The following TEX14 variants were observed in gnomAD, a reference collection of about 807,000 sequenced individuals.
TEX14 encodes the protein inactive serine/threonine-protein kinase TEX14.
Under a neutral mutation model 178.6 loss-of-function variants are expected in TEX14, and 168 were observed. That is an observed-to-expected ratio of 0.94 (90% CI 0.83 to 1.07). TEX14 has a LOEUF of 1.07. TEX14 is among the 50% of genes least tolerant of loss of function. TEX14 has a pLI of 0.00. For synonymous variants in TEX14, 626 were observed against 634.1 expected (o/e 0.99, Z 0.19); for missense variants, 1,730 against 1,753.6 (o/e 0.99, Z 0.24).
chr17:58,601,584 C>G (rs1598375592), intron 13 of TEX14, among the ~76,000 whole-genome samples: 1 of 151,930 alleles, frequency 6.6e-6, no homozygotes, highest in African/African-American at 2.4e-5. Flanking sequence ...ATCCCAGCTA[C>G]TCAGGAGGCT....
chr17:58,669,733 CAAAA>C (rs71367615), intron 1 of TEX14, among the ~76,000 whole-genome samples: 6 of 56,298 alleles, frequency 1.1e-4, no homozygotes, highest in East Asian at 1.0e-3. Context: ...GACTCCGTCT[CAAAA>C]AAAAAAAAAA....
intron 20 of TEX14, among the ~76,000 whole-genome samples, chr17:58,579,394 A>AG (rs1450752531): frequency 6.6e-6 from 1 of 152,194 alleles, no homozygotes; most frequent in African/African-American, 2.4e-5. Context: ...GAGAGACCAA[A>AG]GGGGGAAAAA....
At chr17:58,581,679 CT>C in intron 19 of TEX14, 1 of 1,613,664 alleles carries the variant, frequency 6.2e-7, no homozygotes, top group Non-Finnish European at 8.5e-7. Flanking sequence ...AAAAATTCAT[CT>C]GTTATATCCT....
intron 28 of TEX14, among the ~76,000 whole-genome samples, chr17:58,562,551 C>T (rs1395343053): frequency 4.6e-5 from 7 of 152,000 alleles, no homozygotes; most frequent in Admixed American, 4.6e-4. Flanking sequence ...GTCGCCCAGG[C>T]TGGAGTGCAG....
chr17:58,660,195 A>G (rs2047079381), intron 1 of TEX14, among the ~76,000 whole-genome samples: 1 of 150,642 alleles, frequency 6.6e-6, no homozygotes, highest in Non-Finnish European at 1.5e-5. Flanking sequence ...ACCTGAGGTC[A>G]GGAGCTCAAG....
intron 1 of TEX14, chr17:58,660,626 C>T (rs1318826625): frequency 1.3e-6 from 1 of 791,198 alleles, no homozygotes; most frequent in East Asian, 2.4e-5. Flanking sequence ...GGTGTCCTTC[C>T]AGTCATCCCA....
Position 58,617,523 on chromosome 17 carries a change from G to C in TEX14, c.636+15C>G, listed in dbSNP as rs1396555681. On this transcript the variant is annotated intron_variant, in intron 6 of 31. Coordinates refer to ENST00000349033, the MANE Select transcript of TEX14 (RefSeq NM_031272.5). ...TTAGTCCTGCAAACACTGGCTGTCAGTGGCAACCTCTTACCTTCCCAAAAC... is the reference window on the plus strand; with the variant it reads ...TTAGTCCTGCAAACACTGGCTGTCACTGGCAACCTCTTACCTTCCCAAAAC... 5.6e-6 allele frequency: 9 copies of C among 1,607,188 alleles called. No individual in the cohort carries two copies. Among genetic ancestry groups the C allele is most frequent in the Non-Finnish European group, 7.7e-6 (9 of 1,174,840 alleles).
chr17:58,669,914 A>T lies in TEX14; in HGVS notation c.-1-17912T>A, dbSNP rs189292308. 4.6e-5 allele frequency among the ~76,000 whole-genome samples: 7 copies of T among 152,194 alleles called. No individual in the cohort carries two copies. In the East Asian group the frequency reaches 1.4e-3, roughly 29 times the overall value. On this transcript the variant is annotated intron_variant, in intron 1 of 31. Coordinates refer to ENST00000349033, the MANE Select transcript of TEX14 (RefSeq NM_031272.5). ...ATACTCCTTACTGCCCTCTGGATAA[A>T]GCACCAACTCCATCCCACGCTCCTT...
At chr17:58,691,777 T>C (rs1272486545) in intron 1 of TEX14, among the ~76,000 whole-genome samples, 162 bp downstream of exon 1, 1 of 151,970 alleles carries the variant, frequency 6.6e-6, no homozygotes, top group African/African-American at 2.4e-5. Flanking sequence ...TCTAAACTGC[T>C]TGCCTTCCTC....
At chr17:58,680,844 A>G (rs1161712203) in intron 1 of TEX14, among the ~76,000 whole-genome samples, 1 of 152,170 alleles carries the variant, frequency 6.6e-6, no homozygotes, top group East Asian at 1.9e-4. Flanking sequence ...CTAATATCCC[A>G]CATCTTTTAT....
chr17:58,683,375 C>A (rs532520738), intron 1 of TEX14, among the ~76,000 whole-genome samples: 4 of 148,576 alleles, frequency 2.7e-5, no homozygotes, highest in East Asian at 4.0e-4. Flanking sequence ...TCCATCCCCC[C>A]CCCCAAAAAA....
chr17:58,646,104 C>T (rs1467396996), intron 2 of TEX14, among the ~76,000 whole-genome samples: 1 of 151,976 alleles, frequency 6.6e-6, no homozygotes, highest in Non-Finnish European at 1.5e-5. Context: ...AAATGTGGAA[C>T]CCACAGATAA....
At chr17:58,587,331 A>G (rs2045002260) in intron 17 of TEX14, among the ~76,000 whole-genome samples, 5 of 152,150 alleles carry the variant, frequency 3.3e-5, no homozygotes, top group Admixed American at 3.3e-4. Flanking sequence ...TTTCTTATAC[A>G]ATATACATTT....
At chr17:58,654,240 A>G (rs981242415) in intron 1 of TEX14, among the ~76,000 whole-genome samples, 1 of 152,168 alleles carries the variant, frequency 6.6e-6, no homozygotes. Context: ...GCTGGAATGC[A>G]AAAACAAACC....
chr17:58,574,831 G>A (rs532591428), intron 21 of TEX14, among the ~76,000 whole-genome samples: 7 of 152,014 alleles, frequency 4.6e-5, no homozygotes, highest in South Asian at 2.1e-4. Context: ...GACTCTATAC[G>A]ACTGTGAGCA....
chr17:58,633,688 G>A (rs2046370415), intron 2 of TEX14, among the ~76,000 whole-genome samples: 1 of 152,170 alleles, frequency 6.6e-6, no homozygotes, highest in Non-Finnish European at 1.5e-5. Context: ...TTAGCCGGGG[G>A]CCGGGCGCAG....
chr17:58,587,582 T>G lies in TEX14; in HGVS notation c.2787A>C (p.Lys929Asn). The G allele has an allele frequency of 6.4e-7, 1 of 1,559,574 alleles. No homozygotes were observed. Among genetic ancestry groups the G allele is most frequent in the Non-Finnish European group, 8.8e-7 (1 of 1,138,070 alleles). Reference protein sequence around the residue: ...KDDGKVHLKWKMEVKEMAKKA... With the variant: ...KDDGKVHLKWNMEVKEMAKKA... ...TAAAACCCATGACTTTATACTCACT[T>G]TTCCATTTTAAGTGTACCTTTCCAT... Residue 929 changes from lysine to asparagine, a missense_variant and splice_region_variant, in exon 17 of 32, where the codon AAA (lysine) becomes AAC (asparagine). By Grantham distance (94) the Lys-to-Asn change is moderately conservative. Coordinates refer to ENST00000349033, the MANE Select transcript of TEX14 (RefSeq NM_031272.5).
At chr17:58,571,454 T>C (rs1189446027) in intron 24 of TEX14, among the ~76,000 whole-genome samples, 1 of 151,894 alleles carries the variant, frequency 6.6e-6, no homozygotes, top group Non-Finnish European at 1.5e-5. Context: ...CCCAGGCTGG[T>C]CTCAAACTCC....
rs1379300823 is a variant in TEX14 at position 58,578,763 on chromosome 17, G to A, written c.3238+902C>T. On this transcript the variant is annotated intron_variant, in intron 20 of 31. Coordinates refer to ENST00000349033, the MANE Select transcript of TEX14 (RefSeq NM_031272.5). The stretch of plus-strand genomic sequence containing the variant: ...TCTGGAGACTTTTAATACATATTAT[G>A]CTGAGACTTTAAGTAAAAGTTGATC... Among the ~76,000 whole-genome samples the A allele has an allele frequency of 2.6e-5, 4 of 152,208 alleles. 1 individual carries two copies. Among genetic ancestry groups the A allele is most frequent in the Admixed American group, 1.3e-4 (2 of 15,274 alleles).
Sources: gnomAD v4.1 joint callset for allele counts (sites outside exome capture counted in the v4.1 genomes callset) on GRCh38, gnomAD v4.1.1 for gene constraint, MANE v1.5 for transcripts, NCBI Gene and HGNC (gene_info 2026-07-23, HGNC 2026-07-21) for gene names.